Variants in PILRA observed in about 807,000 individuals in gnomAD.
PILRA encodes the protein paired immunoglobulin-like type 2 receptor alpha.
A neutral mutation model predicts 33.1 loss-of-function variants in PILRA; 37 were observed. The ratio of observed to expected loss-of-function variants is 1.12; its 90% CI spans 0.86 to 1.47. The LOEUF is 1.47. Among genes scored for constraint, PILRA ranks in the 40% most tolerant of loss-of-function variants. The pLI is 0.00. For synonymous variants in PILRA, 146 were observed against 149.9 expected, an observed-to-expected ratio of 0.97 and a Z score of 0.19; for missense variants, 312 against 376.2, an observed-to-expected ratio of 0.83 and a Z score of 1.41.
rs1318189686 is a variant in PILRA, at chr7:100,374,452, G to A, written c.454+19G>A. On this transcript the variant is annotated intron_variant, in intron 2 of 6. Coordinates refer to ENST00000198536, the MANE Select transcript of PILRA (RefSeq NM_013439.3). The stretch of plus-strand genomic sequence containing the variant: ...ACCCAGGGTGAGTCCAGCTGCCCTG[G>A]CACCCGCTTTGCCCACCGCAGTGAG... The A allele has an allele frequency of 6.2e-7, 1 of 1,613,362 alleles. No homozygotes were observed. Among genetic ancestry groups the A allele is most frequent in the Non-Finnish European group, 8.5e-7 (1 of 1,179,946 alleles).
intron 3 of PILRA, 120 bp downstream of exon 3, chr7:100,390,226 A>AGGCC: frequency 1.2e-6 from 1 of 849,108 alleles, no homozygotes; most frequent in Non-Finnish European, 1.9e-6. Flanking sequence ...AAGCCCACCG[A>AGGCC]GGCCGACTTC....
chr7:100,388,235 A>G (rs562030620), intron 2 of PILRA, among the ~76,000 whole-genome samples: 1 of 152,324 alleles, frequency 6.6e-6, no homozygotes, highest in African/African-American at 2.4e-5. Flanking sequence ...TGAAGATTTT[A>G]GTTCATACTA....
intron 2 of PILRA, among the ~76,000 whole-genome samples, chr7:100,384,811 A>C (rs1791221014): frequency 6.6e-6 from 1 of 152,090 alleles, no homozygotes; most frequent in Non-Finnish European, 1.5e-5. Flanking sequence ...TTAATGTCAC[A>C]CAGTGAATGA....
intron 2 of PILRA, among the ~76,000 whole-genome samples, chr7:100,386,520 C>A (rs949278052): frequency 4.0e-5 from 6 of 151,654 alleles, no homozygotes; most frequent in African/African-American, 1.5e-4. Flanking sequence ...AAACAAAACA[C>A]AAAAATTTTG....
chr7:100,392,601 G>A (rs541505915), intron 3 of PILRA, among the ~76,000 whole-genome samples: 7 of 152,292 alleles, frequency 4.6e-5, no homozygotes, highest in East Asian at 1.9e-4. Context: ...GAGCACCATC[G>A]TATGAATACA....
At chr7:100,382,149 A>G (rs972464480) in intron 2 of PILRA, among the ~76,000 whole-genome samples, 13 of 152,182 alleles carry the variant, frequency 8.5e-5, no homozygotes, top group African/African-American at 3.1e-4. Context: ...AGGCAGCTCT[A>G]CCTGCTGCCT....
chr7:100,397,780 CCTCT>C (rs2130243630), intron 3 of PILRA, 95 bp from the exon 4 acceptor site: 1 of 1,268,156 alleles, frequency 7.9e-7, no homozygotes, highest in African/African-American at 1.5e-5. Flanking sequence ...TGCTCCGGTC[CCTCT>C]AAGGAGGGCC....
intron 2 of PILRA, chr7:100,376,185 CTG>C (rs1371235582): frequency 6.6e-6 from 1 of 152,166 alleles, no homozygotes; most frequent in African/African-American, 2.4e-5. Context: ...ATCTTAACCA[CTG>C]TGTTGGTTTT....
chr7:100,378,720 A>AT (rs1791009003), intron 2 of PILRA, among the ~76,000 whole-genome samples: 2 of 151,610 alleles, frequency 1.3e-5, no homozygotes, highest in East Asian at 2.0e-4. Context: ...AAGAAAAAAG[A>AT]TTTTTTTACC....
chr7:100,375,730 T>TCAAACAAACAAACAAA (rs56841488), intron 2 of PILRA, among the ~76,000 whole-genome samples: 27 of 151,746 alleles, frequency 1.8e-4, no homozygotes, highest in Admixed American at 3.9e-4. Context: ...AGACTCCGCC[T>TCAAACAAACAAACAAA]CAAACAAACA....
At chr7:100,377,345 G>A (rs6975563) in intron 2 of PILRA, among the ~76,000 whole-genome samples, 24,027 of 144,510 alleles carry the variant, frequency 0.17, 2,078 homozygotes, top group Middle Eastern at 0.21. Context: ...GGTTCATGCC[G>A]TTCTCCTGCC....
At chr7:100,385,535 A>T (rs1004605233) in intron 2 of PILRA, among the ~76,000 whole-genome samples, 1 of 152,218 alleles carries the variant, frequency 6.6e-6, no homozygotes, top group African/African-American at 2.4e-5. Flanking sequence ...ATTAAACCAC[A>T]TACTATGCTG....
chr7:100,397,555 G>A (rs2130242983), intron 3 of PILRA, among the ~76,000 whole-genome samples: 1 of 152,168 alleles, frequency 6.6e-6, no homozygotes, highest in Admixed American at 6.5e-5. Context: ...GGAAGGGGAG[G>A]GGAGGGGAGA....
intron 3 of PILRA, among the ~76,000 whole-genome samples, chr7:100,397,591 G>A (rs1226829548): frequency 6.6e-6 from 1 of 152,102 alleles, no homozygotes; most frequent in African/African-American, 2.4e-5. Context: ...GCTCAGCGGT[G>A]GAGGGAGCCA....
intron 3 of PILRA, among the ~76,000 whole-genome samples, chr7:100,392,294 G>A (rs766104553): frequency 6.6e-6 from 1 of 152,192 alleles, no homozygotes; most frequent in Non-Finnish European, 1.5e-5. Flanking sequence ...GGGTGACAGA[G>A]TGCAAGGAGA....
intron 1 of PILRA, 152 bp downstream of exon 1, chr7:100,373,872 C>T (rs1790878970): frequency 7.9e-7 from 1 of 1,271,562 alleles, no homozygotes; most frequent in Non-Finnish European, 1.1e-6. Context: ...CCATCCTCTC[C>T]CCCTCCTCCC....
At chr7:100,390,167 C>T (rs1791357723) in intron 3 of PILRA, 61 bp downstream of exon 3, 1 of 1,440,816 alleles carries the variant, frequency 6.9e-7, no homozygotes, top group Non-Finnish European at 9.7e-7. Context: ...TCAAAGCCCA[C>T]CTGCAGCTAT....
intron 2 of PILRA, among the ~76,000 whole-genome samples, chr7:100,387,338 C>G (rs1424161615): frequency 1.3e-5 from 2 of 152,144 alleles, no homozygotes; most frequent in African/African-American, 2.4e-5. Flanking sequence ...CTCAGCCTCC[C>G]AAGTAGCTGG....
rs754872563 is a variant in PILRA at position 100,389,961 on chromosome 7, C to T, written c.528C>T (p.Thr176=). 47 of 1,614,024 alleles carry T rather than the reference C, an allele frequency of 2.9e-5. No homozygotes were observed. Among genetic ancestry groups the T allele is most frequent in the Middle Eastern group, 1.6e-4 (1 of 6,084 alleles). ...TWRLSSTTTT[T]GLRVTQGKRR... ...GGCTCAGTAGCACAACCACCACAAC[C>T]GGCCTCAGGGTCACACAGGGCAAAC... is the stretch of plus-strand genomic sequence containing the variant. The change falls in exon 3 of 7, where the codon ACC becomes ACT. Residue 176 remains threonine (T), a synonymous_variant. Transcript: ENST00000198536.
Sources: allele counts gnomAD v4.1 joint callset (sites outside exome capture counted in the v4.1 genomes callset), GRCh38; gene constraint gnomAD v4.1.1; transcripts MANE v1.5; gene names NCBI Gene and HGNC (gene_info 2026-07-23, HGNC 2026-07-21).